Variants in SYNM observed in about 807,000 individuals in gnomAD.
SYNM encodes synemin.
A neutral mutation model predicts 104.0 loss-of-function variants in SYNM; 95 were observed. That is an observed-to-expected ratio of 0.91 (90% CI 0.77 to 1.08). The LOEUF (loss-of-function observed/expected upper bound fraction) is 1.08, where lower values mean the gene tolerates loss of function less well. SYNM is among the 50% of genes least tolerant of loss of function. The pLI is 0.00. For synonymous variants in SYNM, 918 were observed against 869.0 expected, an observed-to-expected ratio of 1.06 and a Z score of -0.99; for missense variants, 2,150 against 2,052.2, an observed-to-expected ratio of 1.05 and a Z score of -0.92.
chr15:99,113,536 T>C (rs1256586641), intron 1 of SYNM, 55 bp from the exon 2 acceptor site: 2 of 1,604,986 alleles, frequency 1.2e-6, no homozygotes, highest in East Asian at 4.5e-5. Flanking sequence ...GTACCTTCAG[T>C]TCGACCCAGT....
At position 99,130,326 on chromosome 15, in the gene SYNM, A is replaced by T; in HGVS notation, c.1966A>T (p.Thr656Ser). The T allele has an allele frequency of 6.2e-7, 1 of 1,613,844 alleles. No individual in the cohort carries two copies. Among genetic ancestry groups the T allele is most frequent in the Non-Finnish European group, 8.5e-7 (1 of 1,179,814 alleles). Residue 656 changes from threonine (T) to serine (S), a missense_variant, in exon 4 of 4, where the codon ACA becomes TCA. Transcript: ENST00000336292. ...ILKQFTQSPE[T>S]EASADSFPDT... ...GAAGCAGTTCACTCAGTCTCCAGAGACAGAAGCATCTGCTGATTCTTTTCC... is the reference window on the plus strand; with the variant it reads ...GAAGCAGTTCACTCAGTCTCCAGAGTCAGAAGCATCTGCTGATTCTTTTCC...
chr15:99,137,867 C>T (rs2067713973), downstream of SYNM: 5 of 1,338,160 alleles, frequency 3.7e-6, no homozygotes, highest in Non-Finnish European at 5.1e-6. Flanking sequence ...CTTATGGTCT[C>T]ACTGTTGCAT....
At chr15:99,119,721 C>G (rs1194760719) in intron 2 of SYNM, among the ~76,000 whole-genome samples, 14 of 152,254 alleles carry the variant, frequency 9.2e-5, no homozygotes, top group African/African-American at 3.4e-4. Context: ...AGCAACACAA[C>G]TCATTCCTCT....
At chr15:99,122,841 C>T (rs2067413605) in intron 2 of SYNM, among the ~76,000 whole-genome samples, 1 of 152,136 alleles carries the variant, frequency 6.6e-6, no homozygotes, top group African/African-American at 2.4e-5. Context: ...CCTGTCTCTA[C>T]ATAAATAAAT....
Position 99,105,412 on chromosome 15 carries a change from G to C in SYNM, c.213G>C (p.Leu71=). The C allele has an allele frequency of 5.3e-6, 8 of 1,508,522 alleles. No individual in the cohort carries two copies. The highest frequency in any genetic ancestry group is 6.2e-6 in the Non-Finnish European group (7 of 1,135,322). The allele number at this position is 1,508,522 out of a possible 1,614,324, so 93.4% of individuals were successfully genotyped here. Residue 71 remains leucine, a synonymous_variant, in exon 1 of 4, where the codon CTG becomes CTC. Transcript: ENST00000336292. ...AEEARSLRQQ[L]DELSWATALA... ...AGGCGCGCAGCTTGCGGCAGCAGCT[G>C]GACGAGCTGAGCTGGGCCACTGCGC...
chr15:99,122,616 G>A (rs1555484622), intron 2 of SYNM, among the ~76,000 whole-genome samples: 2 of 152,088 alleles, frequency 1.3e-5, no homozygotes, highest in Non-Finnish European at 1.5e-5. Flanking sequence ...CAGGTGGATC[G>A]TTTGAGCCCA....
intron 2 of SYNM, among the ~76,000 whole-genome samples, chr15:99,116,005 T>G (rs1341476985): frequency 1.3e-5 from 2 of 152,220 alleles, no homozygotes; most frequent in African/African-American, 4.8e-5. Flanking sequence ...TGCTAAGGGG[T>G]GAGGCCTTCC....
Position 99,129,773 on chromosome 15 carries a change from G to T in SYNM, c.1413G>T (p.Ser471=). Residue 471 remains serine (S), a synonymous_variant, in exon 4 of 4, where the codon TCG becomes TCT. Transcript: ENST00000336292. ...IGEDSTIARE[S]YRDRRDKVAA... ...AAGATTCCACAATTGCCCGCGAGTCGTACCGGGATCGCCGAGACAAGGTGG... is the reference window on the plus strand; with the variant it reads ...AAGATTCCACAATTGCCCGCGAGTCTTACCGGGATCGCCGAGACAAGGTGG... The T allele has an allele frequency of 6.2e-7, 1 of 1,613,512 alleles. No homozygotes were observed. Among genetic ancestry groups the T allele is most frequent in the Non-Finnish European group, 8.5e-7 (1 of 1,179,786 alleles).
rs1555486288 is a variant in SYNM at position 99,133,063 on chromosome 15, C to T, written c.*5C>T. The T allele has an allele frequency of 1.1e-5, 18 of 1,612,116 alleles. No homozygotes were observed. The highest frequency in any genetic ancestry group is 1.7e-5 in the Admixed American group (1 of 59,964). On this transcript the variant is annotated 3_prime_UTR_variant, in exon 4 of 4. Transcript: ENST00000336292. ...AATGATGGGCATTGGTTTTAATAAG[C>T]AGAAACATTTTGTTTTAATGGCAGC...
intron 2 of SYNM, among the ~76,000 whole-genome samples, chr15:99,121,891 G>A (rs2067404844): frequency 6.6e-6 from 1 of 152,242 alleles, no homozygotes; most frequent in Non-Finnish European, 1.5e-5. Flanking sequence ...CTGGAAGACA[G>A]ACAACGCGGT....
chr15:99,120,342 G>A (rs1262341504), intron 2 of SYNM, among the ~76,000 whole-genome samples: 3 of 152,210 alleles, frequency 2.0e-5, no homozygotes, highest in African/African-American at 4.8e-5. Flanking sequence ...TCCTGAAGAG[G>A]CAATGCTTGA....
chr15:99,130,246 T>C lies in SYNM; in HGVS notation c.1886T>C (p.Leu629Pro). ...GGCACCAGTGATGCCACTGGTTCTC[T>C]GCAAGGCGATTCCATGACAGAAACC... The part of the protein sequence containing the change: ...RLGTSDATGS[L>P]QGDSMTETVA... Residue 629 changes from leucine to proline, a missense_variant, in exon 4 of 4, where the codon CTG becomes CCG. Transcript: ENST00000336292. 1 of 1,614,000 alleles carries C rather than the reference T, an allele frequency of 6.2e-7. No individual in the cohort carries two copies. Among genetic ancestry groups the C allele is most frequent in the South Asian group, 1.1e-5 (1 of 91,088 alleles).
rs782472976 is a variant in SYNM, at chr15:99,132,927, C to T, written c.4567C>T (p.Gln1523Ter). 3 of 1,613,800 alleles carry T rather than the reference C, an allele frequency of 1.9e-6. No homozygotes were observed. Among genetic ancestry groups the T allele is most frequent in the Middle Eastern group, 1.6e-4 (1 of 6,062 alleles). Residue 1523 changes from glutamine to a stop codon, truncating the protein, a stop_gained, in exon 4 of 4, where the codon CAG (glutamine) becomes TAG (stop). Transcript: ENST00000336292. LOFTEE classifies it high-confidence loss of function. Reference sequence around the variant, plus strand: ...GGCCCACAGAGAACAGGGCAAGGAGCAGGCCATGTTTGATAAGAAGGTGCA... The same window carrying T: ...GGCCCACAGAGAACAGGGCAAGGAGTAGGCCATGTTTGATAAGAAGGTGCA... ...DQAHREQGKE[Q>*]AMFDKKVQLQ...
At chr15:99,140,910 C>T in the SYNM span, 7 of 152,050 alleles carry the variant, frequency 4.6e-5, no homozygotes, top group Non-Finnish European at 1.0e-4. Flanking sequence ...AAATACCAAA[C>T]CAAACCAAAA....
At chr15:99,110,445 T>C (rs1253124815) in intron 1 of SYNM, among the ~76,000 whole-genome samples, 1 of 152,210 alleles carries the variant, frequency 6.6e-6, no homozygotes, top group East Asian at 1.9e-4. Flanking sequence ...CCACCTGGAA[T>C]TGTAAAATAT....
In SYNM at chr15:99,105,901, AGAGGCGCTGCGGCGC is replaced by A. The variant is rs1383921164; in HGVS notation, c.711_725del (p.Arg238_Leu242del). ...AGACGCGGCTGTGCGCGCAGGAGGC[AGAGGCGCTGCGGCGC>A]GAGGCGCTCGGGTTGGAGCAGCTGC... On this transcript the variant is annotated inframe_deletion, in exon 1 of 4. Coordinates refer to ENST00000336292, the MANE Select transcript of SYNM (RefSeq NM_145728.3). The A allele has an allele frequency of 2.0e-6, 3 of 1,534,166 alleles. No homozygotes were observed. The highest frequency in any genetic ancestry group is 2.6e-6 in the Non-Finnish European group (3 of 1,144,514).
chr15:99,138,165 C>G, downstream of SYNM: 1 of 1,607,456 alleles, frequency 6.2e-7, no homozygotes, highest in Admixed American at 1.7e-5. Flanking sequence ...TGTGGTGCCC[C>G]TCAGCCCCCC....
At chr15:99,124,671 C>T (rs1005138780) in intron 2 of SYNM, among the ~76,000 whole-genome samples, 9 of 152,168 alleles carry the variant, frequency 5.9e-5, no homozygotes, top group African/African-American at 2.2e-4. Flanking sequence ...CTAGTGGTAT[C>T]GCAGGGGAGG....
chr15:99,105,644 G>A lies in SYNM; in HGVS notation c.445G>A (p.Glu149Lys). The A allele has an allele frequency of 2.9e-6, 4 of 1,363,844 alleles. No individual in the cohort carries two copies. Among genetic ancestry groups the A allele is most frequent in the Non-Finnish European group, 2.8e-6 (3 of 1,058,464 alleles). 84.5% of individuals were successfully genotyped at this position (1,363,844 alleles called of 1,614,324 possible). The part of the protein sequence containing the change: ...AERRGLDAAH[E>K]RDVRELRARA... ...GCGCCGAGGCCTCGACGCGGCCCAC[G>A]AACGCGACGTGAGGGAGCTGCGCGC... Residue 149 changes from glutamate to lysine, a missense_variant, in exon 1 of 4, where the codon GAA becomes AAA. Transcript: ENST00000336292.
Sources: gnomAD v4.1 joint callset for allele counts (sites outside exome capture counted in the v4.1 genomes callset) on GRCh38, gnomAD v4.1.1 for gene constraint, MANE v1.5 for transcripts, NCBI Gene and HGNC (gene_info 2026-07-23, HGNC 2026-07-21) for gene names.